Variants in SLC14A2 observed in about 807,000 individuals in gnomAD.
SLC14A2 encodes the protein solute carrier family 14 member 2.
SLC14A2 carries 91 observed loss-of-function variants against 104.6 expected under a neutral mutation model. The observed-to-expected ratio is 0.87, with a 90% CI of 0.73 to 1.04. SLC14A2 has a LOEUF of 1.04. Ranked by LOEUF, SLC14A2 falls within the 50% of genes least tolerant of loss-of-function variation. SLC14A2 has a pLI of 0.00. For synonymous variants in SLC14A2, 476 were observed against 466.4 expected (o/e 1.02, Z -0.27); for missense variants, 1,189 against 1,156.0 (o/e 1.03, Z -0.41).
chr18:45,608,332 T>C (rs1249682722), intron 2 of SLC14A2, among the ~76,000 whole-genome samples: 2 of 152,230 alleles, frequency 1.3e-5, no homozygotes. Context: ...CTGACACTTG[T>C]TGATACCCAC....
At chr18:45,251,259 T>C (rs1269253933) in intron 1 of SLC14A2, among the ~76,000 whole-genome samples, 1 of 152,232 alleles carries the variant, frequency 6.6e-6, no homozygotes, top group South Asian at 2.1e-4. Flanking sequence ...CTCTCACTTA[T>C]GAGTGAGAAC....
intron 1 of SLC14A2, among the ~76,000 whole-genome samples, chr18:45,436,294 A>G (rs2086595945): frequency 1.3e-5 from 2 of 152,244 alleles, no homozygotes; most frequent in South Asian, 4.1e-4. Flanking sequence ...TCCAGAAAGC[A>G]GATGCAGTTC....
intron 2 of SLC14A2, among the ~76,000 whole-genome samples, chr18:45,493,773 T>G (rs1055084490): frequency 6.6e-6 from 1 of 152,262 alleles, no homozygotes; most frequent in Non-Finnish European, 1.5e-5. Context: ...AGTGTTGTTC[T>G]GTGACTCATA....
At chr18:45,264,690 G>A (rs984193762) in intron 1 of SLC14A2, among the ~76,000 whole-genome samples, 7 of 152,128 alleles carry the variant, frequency 4.6e-5, no homozygotes, top group African/African-American at 1.4e-4. Context: ...AACAGATCTC[G>A]TGAGACTTAT....
At chr18:45,517,100 C>T (rs1328868280) in intron 2 of SLC14A2, among the ~76,000 whole-genome samples, 1 of 152,156 alleles carries the variant, frequency 6.6e-6, no homozygotes, top group Non-Finnish European at 1.5e-5. Context: ...GAGCACAGTT[C>T]GGTGAGATGT....
chr18:45,377,246 G>GTGATTTTTTT (rs2085785036), intron 1 of SLC14A2, among the ~76,000 whole-genome samples: 2 of 150,938 alleles, frequency 1.3e-5, no homozygotes, highest in Non-Finnish European at 1.5e-5. Flanking sequence ...CTGCTCAGGG[G>GTGATTTTTTT]TGATTTTTTT....
At position 45,430,518 on chromosome 18, in the gene SLC14A2, C is replaced by A. The variant is rs140297801; in HGVS notation, c.-124-52715C>A. ...ATCTGTGTGGATTGGGATAATTGGA[C>A]TGGCTCTTTCTGTGGAAGGGAAGTT... On this transcript the variant is annotated intron_variant, in intron 1 of 20. Transcript: ENST00000586448. 9.8e-3 allele frequency among the ~76,000 whole-genome samples: 1,495 copies of A among 152,114 alleles called. 15 individuals carry two copies. The highest frequency in any genetic ancestry group is 0.024 in the African/African-American group (994 of 41,516).
At chr18:45,637,286 T>A (rs1311502836) in intron 6 of SLC14A2, 104 bp downstream of exon 6, 2 of 887,008 alleles carry the variant, frequency 2.3e-6, no homozygotes, top group Non-Finnish European at 3.5e-6. Flanking sequence ...TCTAGAAACA[T>A]CTATACCAGA....
chr18:45,345,530 T>C (rs2085439273), intron 1 of SLC14A2, among the ~76,000 whole-genome samples: 2 of 152,170 alleles, frequency 1.3e-5, no homozygotes, highest in Non-Finnish European at 2.9e-5. Flanking sequence ...TACCCTGATC[T>C]TTTTAGTCCT....
intron 1 of SLC14A2, among the ~76,000 whole-genome samples, chr18:45,360,430 C>A (rs12961580): frequency 0.51 from 76,903 of 152,120 alleles, 23,548 homozygotes; most frequent in African/African-American, 0.87. Flanking sequence ...ACCTCTCCTA[C>A]CTCCTAAATC....
intron 11 of SLC14A2, among the ~76,000 whole-genome samples, chr18:45,664,174 A>G (rs1236203674): frequency 6.6e-6 from 1 of 152,158 alleles, no homozygotes; most frequent in Non-Finnish European, 1.5e-5. Context: ...ATCCCATCCC[A>G]GTGACTAGTT....
At chr18:45,201,131 A>T in the SLC14A2 span, among the ~76,000 whole-genome samples, 1 of 152,194 alleles carries the variant, frequency 6.6e-6, no homozygotes, top group South Asian at 2.1e-4. Context: ...GGTTTTTTAA[A>T]GGAAGACCAC....
intron 1 of SLC14A2, among the ~76,000 whole-genome samples, chr18:45,302,913 T>C (rs1292896942): frequency 1.3e-5 from 2 of 152,136 alleles, no homozygotes; most frequent in African/African-American, 4.8e-5. Context: ...AGCTCTCCTG[T>C]AGCAGGCAGT....
At chr18:45,631,090 G>C (rs183112810) in intron 4 of SLC14A2, among the ~76,000 whole-genome samples, 1 of 152,214 alleles carries the variant, frequency 6.6e-6, no homozygotes, top group South Asian at 2.1e-4. Flanking sequence ...ATCTCAGGGA[G>C]CCCTAAGCTT....
chr18:45,540,213 C>T (rs2043865211), intron 2 of SLC14A2, among the ~76,000 whole-genome samples: 1 of 152,066 alleles, frequency 6.6e-6, no homozygotes, highest in Non-Finnish European at 1.5e-5. Flanking sequence ...CCTCCCAGCC[C>T]CTACACCCCA....
chr18:45,494,915 T>TACAC (rs58079608), intron 2 of SLC14A2, among the ~76,000 whole-genome samples: 57,195 of 148,360 alleles, frequency 0.39, 11,550 homozygotes, highest in South Asian at 0.52. Flanking sequence ...CACACACACA[T>TACAC]ACACACACAC....
intron 1 of SLC14A2, among the ~76,000 whole-genome samples, chr18:45,386,120 GC>G: frequency 6.6e-6 from 1 of 152,226 alleles, no homozygotes; most frequent in Non-Finnish European, 1.5e-5. Flanking sequence ...AAGAGCATAA[GC>G]CAAGTTATGG....
chr18:45,670,659 G>A (rs2046116328), intron 16 of SLC14A2, among the ~76,000 whole-genome samples: 1 of 152,076 alleles, frequency 6.6e-6, no homozygotes, highest in Non-Finnish European at 1.5e-5. Flanking sequence ...TTCGATTTTG[G>A]GGTTTCTGTT....
chr18:45,302,445 C>A (rs1417153161), intron 1 of SLC14A2, among the ~76,000 whole-genome samples: 2 of 152,210 alleles, frequency 1.3e-5, no homozygotes, highest in African/African-American at 4.8e-5. Context: ...GGGAAAATAA[C>A]TTTGTCCAAA....
Sources: gnomAD v4.1 joint callset for allele counts (sites outside exome capture counted in the v4.1 genomes callset) on GRCh38, gnomAD v4.1.1 for gene constraint, MANE v1.5 for transcripts, NCBI Gene and HGNC (gene_info 2026-07-23, HGNC 2026-07-21) for gene names.